The following ULK4 variants were observed in gnomAD, a reference collection of about 807,000 sequenced individuals.
The protein encoded by ULK4 is unc-51 like kinase 4, also known as inactive serine/threonine-protein kinase ULK4.
A neutral mutation model predicts 160.6 loss-of-function variants in ULK4; 133 were observed. The observed-to-expected ratio is 0.83, with a 90% CI of 0.72 to 0.96. The LOEUF (loss-of-function observed/expected upper bound fraction) is 0.96, where lower values mean the gene tolerates loss of function less well. ULK4 is among the 40% of genes least tolerant of loss of function. The pLI is 0.00. For synonymous variants in ULK4, 534 were observed against 539.8 expected, an observed-to-expected ratio of 0.99 and a Z score of 0.15; for missense variants, 1,580 against 1,499.5, an observed-to-expected ratio of 1.05 and a Z score of -0.89.
intron 32 of ULK4, among the ~76,000 whole-genome samples, chr3:41,484,698 C>T (rs914194576): frequency 9.2e-5 from 14 of 151,990 alleles, no homozygotes; most frequent in African/African-American, 3.1e-4. Flanking sequence ...ATGATCCGCC[C>T]ACCTTGGCCT....
intron 35 of ULK4, among the ~76,000 whole-genome samples, chr3:41,267,016 A>AT (rs1386385782): frequency 4.6e-5 from 3 of 65,658 alleles, no homozygotes; most frequent in Admixed American, 4.0e-4. Context: ...CTGTGTCTCT[A>AT]TTGGGGGGGG....
intron 22 of ULK4, among the ~76,000 whole-genome samples, chr3:41,737,181 T>A (rs1447324117): frequency 6.6e-6 from 1 of 151,872 alleles, no homozygotes; most frequent in African/African-American, 2.4e-5. Context: ...GGATACAAAA[T>A]CAATGTGCAA....
At chr3:41,422,466 T>A (rs2082683777) in intron 34 of ULK4, among the ~76,000 whole-genome samples, 1 of 152,190 alleles carries the variant, frequency 6.6e-6, no homozygotes, top group Non-Finnish European at 1.5e-5. Context: ...TGTTTAAGTT[T>A]GATATTTTTA....
At chr3:41,589,623 T>C (rs1053715482) in intron 31 of ULK4, among the ~76,000 whole-genome samples, 2 of 152,040 alleles carry the variant, frequency 1.3e-5, no homozygotes, top group African/African-American at 4.8e-5. Flanking sequence ...AGAACAGCCT[T>C]ACTCCTAAAA....
At chr3:41,937,187 T>G in intron 3 of ULK4, 1 of 462,414 alleles carries the variant, frequency 2.2e-6, no homozygotes, top group Non-Finnish European at 3.9e-6. Context: ...GTGGGTGACG[T>G]GCAGTTACAA....
intron 17 of ULK4, among the ~76,000 whole-genome samples, chr3:41,863,184 T>TC (rs1158687442): frequency 6.6e-6 from 1 of 151,982 alleles, no homozygotes; most frequent in African/African-American, 2.4e-5. Flanking sequence ...GTCCCTCCCT[T>TC]CCTCCTTCCC....
At chr3:41,632,132 T>C (rs953248786) in intron 30 of ULK4, among the ~76,000 whole-genome samples, 1 of 152,072 alleles carries the variant, frequency 6.6e-6, no homozygotes, top group African/African-American at 2.4e-5. Flanking sequence ...CATGCTCACA[T>C]GTAAGAGGTA....
intron 32 of ULK4, among the ~76,000 whole-genome samples, chr3:41,480,536 G>T (rs1439887346): frequency 1.3e-5 from 2 of 152,020 alleles, no homozygotes; most frequent in African/African-American, 4.8e-5. Context: ...TAAAAATGAA[G>T]ACCTTTACGG....
intron 32 of ULK4, among the ~76,000 whole-genome samples, chr3:41,519,862 A>C (rs955467690): frequency 5.3e-5 from 8 of 152,180 alleles, no homozygotes; most frequent in Admixed American, 1.3e-4. Flanking sequence ...TGATCTTTGT[A>C]GCCAAAATAG....
intron 17 of ULK4, among the ~76,000 whole-genome samples, chr3:41,856,614 T>TAC (rs1417380362): frequency 2.4e-5 from 2 of 84,810 alleles, no homozygotes; most frequent in East Asian, 5.9e-4. Flanking sequence ...TGTATATATA[T>TAC]ACACATATAT....
chr3:41,428,075 G>A (rs1401839234), intron 34 of ULK4, among the ~76,000 whole-genome samples: 5 of 152,098 alleles, frequency 3.3e-5, no homozygotes, highest in Admixed American at 2.6e-4. Flanking sequence ...CAAAGCTTCA[G>A]GACACAAAAG....
Position 41,758,609 on chromosome 3 carries a change from G to A in ULK4, c.2194-4121C>T, listed in dbSNP as rs568480226. On this transcript the variant is annotated intron_variant, in intron 21 of 36. Coordinates refer to ENST00000301831, the MANE Select transcript of ULK4 (RefSeq NM_017886.4). Reference sequence around the variant, plus strand: ...ACATTTGAAAAACAATAAGTGGCCGGGCACAGTGGCTCATGCCTGTAATCC... The same window carrying A: ...ACATTTGAAAAACAATAAGTGGCCGAGCACAGTGGCTCATGCCTGTAATCC... 1.4e-4 allele frequency among the ~76,000 whole-genome samples: 21 copies of A among 152,244 alleles called. No individual in the cohort carries two copies. The South Asian group carries it at 2.5e-3, about 18-fold the overall frequency.
At chr3:41,878,623 A>T (rs1012285418) in intron 17 of ULK4, among the ~76,000 whole-genome samples, 38 of 151,554 alleles carry the variant, frequency 2.5e-4, no homozygotes, top group African/African-American at 9.2e-4. Context: ...ATCATTTTGC[A>T]ACTCTAAAGG....
intron 29 of ULK4, among the ~76,000 whole-genome samples, chr3:41,678,534 G>C (rs1459068046): frequency 6.6e-6 from 1 of 152,158 alleles, no homozygotes; most frequent in Non-Finnish European, 1.5e-5. Flanking sequence ...TGGCGAGAAA[G>C]ACACATACAC....
intron 22 of ULK4, among the ~76,000 whole-genome samples, chr3:41,747,178 G>C (rs2038447898): frequency 6.6e-6 from 1 of 151,824 alleles, no homozygotes; most frequent in Non-Finnish European, 1.5e-5. Context: ...TCAACACTTT[G>C]GTTCTGTAAA....
chr3:41,541,466 C>T (rs146719528), intron 32 of ULK4, among the ~76,000 whole-genome samples: 111 of 152,226 alleles, frequency 7.3e-4, no homozygotes, highest in Middle Eastern at 3.4e-3. Flanking sequence ...TAGCATAATG[C>T]CTCCAGCTTT....
intron 4 of ULK4, among the ~76,000 whole-genome samples, chr3:41,934,225 C>T (rs1008054522): frequency 2.0e-5 from 3 of 152,214 alleles, no homozygotes; most frequent in Admixed American, 6.6e-5. Flanking sequence ...TTGTCTACAG[C>T]TGCTTTCAGC....
intron 32 of ULK4, among the ~76,000 whole-genome samples, chr3:41,558,617 T>C (rs2087403291): frequency 1.3e-5 from 2 of 151,724 alleles, no homozygotes; most frequent in Admixed American, 6.6e-5. Flanking sequence ...GGCAGCAGAA[T>C]TGCTGGACCC....
At chr3:41,254,108 G>C (rs1273942594) in intron 35 of ULK4, among the ~76,000 whole-genome samples, 1 of 152,102 alleles carries the variant, frequency 6.6e-6, no homozygotes, top group African/African-American at 2.4e-5. Flanking sequence ...AATCAGCACG[G>C]ATACAGAAGA....
Sources: allele counts gnomAD v4.1 joint callset (sites outside exome capture counted in the v4.1 genomes callset), GRCh38; gene constraint gnomAD v4.1.1; transcripts MANE v1.5; gene names NCBI Gene and HGNC (gene_info 2026-07-23, HGNC 2026-07-21).